The following PLXNA4 variants were observed in gnomAD, a reference collection of about 807,000 sequenced individuals.
The protein encoded by PLXNA4 is plexin-A4.
PLXNA4 carries 44 observed loss-of-function variants against 191.8 expected under a neutral mutation model. The observed-to-expected ratio is 0.23, with a 90% confidence interval of 0.18 to 0.29. The LOEUF (loss-of-function observed/expected upper bound fraction) is 0.29. Ranked by LOEUF, PLXNA4 falls within the 10% of genes least tolerant of loss-of-function variation. PLXNA4 has a pLI of 1.00. For synonymous variants in PLXNA4, 1,082 were observed against 1,009.5 expected (o/e 1.07, Z -1.36); for missense variants, 1,800 against 2,488.8 (o/e 0.72, Z 5.89).
chr7:132,442,889 C>T (rs1795748772), intron 3 of PLXNA4, among the ~76,000 whole-genome samples: 1 of 152,200 alleles, frequency 6.6e-6, no homozygotes, highest in Non-Finnish European at 1.5e-5. Context: ...AGAGGTCAAA[C>T]CCCGGGACAC....
intron 3 of PLXNA4, among the ~76,000 whole-genome samples, chr7:132,468,728 GCACACGCA>G (rs1796803120): frequency 6.9e-6 from 1 of 145,030 alleles, no homozygotes; most frequent in Non-Finnish European, 1.5e-5. Flanking sequence ...CACACAATAT[GCACACGCA>G]CACACACACA....
chr7:132,166,495 C>A (rs962670020), intron 22 of PLXNA4, among the ~76,000 whole-genome samples: 1 of 151,526 alleles, frequency 6.6e-6, no homozygotes, highest in African/African-American at 2.4e-5. Flanking sequence ...GAGAAACTAG[C>A]CCATCCAGGT....
At chr7:132,165,462 G>A (rs577948814) in intron 22 of PLXNA4, among the ~76,000 whole-genome samples, 11 of 152,262 alleles carry the variant, frequency 7.2e-5, no homozygotes, top group South Asian at 2.1e-4. Flanking sequence ...TGGCTGGAAC[G>A]CCTTAGAGCA....
intron 30 of PLXNA4, among the ~76,000 whole-genome samples, chr7:132,136,177 G>A (rs558278373): frequency 8.5e-5 from 13 of 152,284 alleles, no homozygotes; most frequent in African/African-American, 1.7e-4. Context: ...TACCTCTGCC[G>A]GGTGAACCTT....
chr7:132,493,776 TG>T (rs1797900212), intron 2 of PLXNA4, among the ~76,000 whole-genome samples: 2 of 151,780 alleles, frequency 1.3e-5, no homozygotes, highest in South Asian at 4.2e-4. Flanking sequence ...GATGGATGGA[TG>T]GATGGATGGA....
chr7:132,268,717 G>T (rs774094762), intron 4 of PLXNA4, among the ~76,000 whole-genome samples: 74 of 152,308 alleles, frequency 4.9e-4, no homozygotes, highest in Middle Eastern at 3.4e-3. Flanking sequence ...GAGGAAGGCT[G>T]CCAGGCTTCC....
intron 3 of PLXNA4, among the ~76,000 whole-genome samples, chr7:132,425,030 A>G (rs1794991488): frequency 6.6e-6 from 1 of 152,122 alleles, no homozygotes; most frequent in Non-Finnish European, 1.5e-5. Context: ...CCACTGTGCC[A>G]CGTCCCCTTG....
At chr7:132,615,408 A>G (rs1189298649) in intron 2 of PLXNA4, among the ~76,000 whole-genome samples, 1 of 152,044 alleles carries the variant, frequency 6.6e-6, no homozygotes, top group East Asian at 1.9e-4. Flanking sequence ...CCCCTGGCGG[A>G]GGGGACGGGG....
intron 3 of PLXNA4, among the ~76,000 whole-genome samples, chr7:132,396,634 G>A (rs982076096): frequency 6.6e-6 from 1 of 152,204 alleles, no homozygotes; most frequent in Non-Finnish European, 1.5e-5. Context: ...GGGATTACAG[G>A]TGTGTGCAAC....
intron 23 of PLXNA4, 62 bp from the exon 24 acceptor site, chr7:132,164,350 C>T: frequency 1.9e-6 from 3 of 1,585,636 alleles, no homozygotes; most frequent in South Asian, 2.3e-5. Flanking sequence ...ACCCCCAGTC[C>T]CTGCTTCTCC....
intron 2 of PLXNA4, among the ~76,000 whole-genome samples, chr7:132,601,328 G>A (rs79154752): frequency 0.02 from 2,973 of 152,004 alleles, 90 homozygotes; most frequent in African/African-American, 0.066. Context: ...GGTAGAGCCC[G>A]TGAGAGATTC....
intron 3 of PLXNA4, among the ~76,000 whole-genome samples, chr7:132,308,462 C>T (rs115429953): frequency 2.3e-3 from 343 of 152,276 alleles, no homozygotes; most frequent in African/African-American, 7.9e-3. Context: ...ACCTGCCATG[C>T]GCCACACACC....
At chr7:132,485,654 G>A (rs910892788) in intron 3 of PLXNA4, among the ~76,000 whole-genome samples, 1 of 152,132 alleles carries the variant, frequency 6.6e-6, no homozygotes, top group Non-Finnish European at 1.5e-5. Context: ...ACCTATAGTG[G>A]AAATGTTAAC....
rs138022851 is a variant in PLXNA4, at chr7:132,545,201, C to T, written c.-87+31221G>A. ...TGCCCCAAGAAAGCTCCTACTAATTCTCTCAAAAGGACCTTACCTCCTGCA... is the reference window on the plus strand; with the variant it reads ...TGCCCCAAGAAAGCTCCTACTAATTTTCTCAAAAGGACCTTACCTCCTGCA... On this transcript the variant is annotated intron_variant, in intron 1 of 31. Coordinates refer to ENST00000321063, the MANE Select transcript of PLXNA4 (RefSeq NM_020911.2). Among the ~76,000 whole-genome samples the T allele has an allele frequency of 6.6e-5, 10 of 152,338 alleles. No homozygotes were observed. The East Asian group carries it at 1.7e-3, about 26-fold the overall frequency.
chr7:132,179,032 G>GCA lies in PLXNA4; in HGVS notation c.3874+653_3874+654dup, dbSNP rs67794762. Among the ~76,000 whole-genome samples the GCA allele has an allele frequency of 3.9e-3, 243 of 61,652 alleles. 9 individuals are homozygous for GCA. Among genetic ancestry groups the GCA allele is most frequent in the Admixed American group, 0.01 (69 of 6,582 alleles). The allele number at this position is 61,652 out of a possible 152,430, so 40.4% of individuals were successfully genotyped here. A position where few individuals can be genotyped will look rare whatever the true frequency, so the allele number is the denominator to read the frequency against. ...CACATACACATATACAGGCGCGCGC[G>GCA]CACACACACACACACACACACACAC... On this transcript the variant is annotated intron_variant, in intron 20 of 31. Coordinates refer to ENST00000321063, the MANE Select transcript of PLXNA4 (RefSeq NM_020911.2).
intron 3 of PLXNA4, among the ~76,000 whole-genome samples, chr7:132,329,669 A>T (rs192142006): frequency 2.0e-3 from 302 of 152,286 alleles, no homozygotes; most frequent in African/African-American, 7.1e-3. Flanking sequence ...AGTCCTTTGC[A>T]CCAGCCATTC....
At chr7:132,384,019 C>T in intron 3 of PLXNA4, 1 of 985,464 alleles carries the variant, frequency 1.0e-6, no homozygotes, top group Non-Finnish European at 1.2e-6. Context: ...AAACCTCTGC[C>T]TCCAGAATAT....
intron 4 of PLXNA4, among the ~76,000 whole-genome samples, chr7:132,249,390 C>T (rs1299479982): frequency 6.6e-6 from 1 of 152,180 alleles, no homozygotes; most frequent in Non-Finnish European, 1.5e-5. Flanking sequence ...CTCGGACAGC[C>T]AAGGAGCGAG....
intron 14 of PLXNA4, among the ~76,000 whole-genome samples, chr7:132,190,411 C>T (rs938796990): frequency 1.3e-5 from 2 of 152,210 alleles, no homozygotes; most frequent in African/African-American, 2.4e-5. Flanking sequence ...TACATGGGAG[C>T]TACTCAGGAA....
Sources: gnomAD v4.1 joint callset for allele counts (sites outside exome capture counted in the v4.1 genomes callset) on GRCh38, gnomAD v4.1.1 for gene constraint, MANE v1.5 for transcripts, NCBI Gene and HGNC (gene_info 2026-07-23, HGNC 2026-07-21) for gene names.